The following PBX1 variants were observed in gnomAD, a reference collection of about 807,000 sequenced individuals.
The protein encoded by PBX1 is pre-B-cell leukemia transcription factor 1.
In PBX1, 6 loss-of-function variants were observed where a neutral mutation model predicts 53.4. The ratio of observed to expected loss-of-function variants is 0.11; its 90% CI spans 0.06 to 0.22. PBX1 has a LOEUF of 0.22. PBX1 is among the 10% of genes least tolerant of loss of function. The pLI, the probability that PBX1 is intolerant of heterozygous loss-of-function variation, is 1.00. For missense variants in PBX1, 251 were observed against 551.4 expected, an observed-to-expected ratio of 0.46 and a Z score of 5.46; for synonymous variants, 204 against 212.3, an observed-to-expected ratio of 0.96 and a Z score of 0.34.
intron 2 of PBX1, among the ~76,000 whole-genome samples, chr1:164,701,851 C>T (rs1663141287): frequency 6.6e-6 from 1 of 152,124 alleles, no homozygotes; most frequent in Non-Finnish European, 1.5e-5. Flanking sequence ...TTTATAATAG[C>T]ACCGATATTG....
At chr1:164,622,686 A>G (rs1013098562) in intron 2 of PBX1, among the ~76,000 whole-genome samples, 1 of 152,154 alleles carries the variant, frequency 6.6e-6, no homozygotes, top group African/African-American at 2.4e-5. Flanking sequence ...ATATTTAGAA[A>G]CACTTCTATG....
chr1:164,838,101 G>T (rs1410824791), intron 8 of PBX1, among the ~76,000 whole-genome samples: 2 of 152,208 alleles, frequency 1.3e-5, no homozygotes, highest in Non-Finnish European at 2.9e-5. Context: ...CTATGATGGT[G>T]CTACAGTTGA....
intron 2 of PBX1, among the ~76,000 whole-genome samples, chr1:164,707,418 T>TGTGTGAGAGAGAGAGAGAGA (rs58617739): frequency 2.9e-4 from 34 of 118,248 alleles, no homozygotes; most frequent in African/African-American, 1.2e-3. Context: ...TGTGTGTGTG[T>TGTGTGAGAGAGAGAGAGAGA]GAGAGAGAGA....
intron 2 of PBX1, among the ~76,000 whole-genome samples, chr1:164,723,345 C>G (rs1243968060): frequency 6.6e-6 from 1 of 152,182 alleles, no homozygotes; most frequent in Non-Finnish European, 1.5e-5. Context: ...TCCACTCTAC[C>G]TGCTAAGCTG....
intron 2 of PBX1, among the ~76,000 whole-genome samples, chr1:164,779,382 T>C (rs2102270617): frequency 6.6e-6 from 1 of 152,216 alleles, no homozygotes; most frequent in African/African-American, 2.4e-5. Flanking sequence ...AGAGACCAAC[T>C]GGGGTCCTTG....
At chr1:164,622,484 C>T (rs1204319300) in intron 2 of PBX1, among the ~76,000 whole-genome samples, 1 of 152,114 alleles carries the variant, frequency 6.6e-6, no homozygotes, top group African/African-American at 2.4e-5. Context: ...TTCCCTATGC[C>T]CTCAGCCTGT....
chr1:164,719,619 C>G (rs1224609076), intron 2 of PBX1, among the ~76,000 whole-genome samples: 1 of 152,134 alleles, frequency 6.6e-6, no homozygotes, highest in Non-Finnish European at 1.5e-5. Flanking sequence ...CCAGGTGATG[C>G]TATGCCATGT....
intron 2 of PBX1, among the ~76,000 whole-genome samples, chr1:164,631,456 C>G (rs1363335700): frequency 6.6e-6 from 1 of 152,124 alleles, no homozygotes; most frequent in Non-Finnish European, 1.5e-5. Context: ...AATAAAAACT[C>G]TCACTCTGCA....
chr1:164,602,263 C>T (rs1305598867), intron 2 of PBX1, among the ~76,000 whole-genome samples: 1 of 152,114 alleles, frequency 6.6e-6, no homozygotes, highest in Non-Finnish European at 1.5e-5. Flanking sequence ...ACTAGAAAGG[C>T]TTGCTGAAAT....
rs1667009077 is a variant in PBX1, at chr1:164,765,335, G to A, written c.266-27159G>A. On this transcript the variant is annotated intron_variant, in intron 2 of 8. Transcript: ENST00000420696. Reference sequence around the variant, plus strand: ...GCACATGTACATGTGCAGTGGAGTGGGCATCAATGTATTTTACTGATTGAA... The same window carrying A: ...GCACATGTACATGTGCAGTGGAGTGAGCATCAATGTATTTTACTGATTGAA... 2.0e-5 allele frequency among the ~76,000 whole-genome samples: 3 copies of A among 152,058 alleles called. No homozygotes were observed. The South Asian group carries it at 6.2e-4, about 32-fold the overall frequency.
chr1:164,563,453 C>G (rs756714673), intron 2 of PBX1, 142 bp downstream of exon 2: 17 of 482,228 alleles, frequency 3.5e-5, no homozygotes, highest in Non-Finnish European at 4.8e-5. Flanking sequence ...ATAGGAAGTC[C>G]TAGCCCTGCT....
chr1:164,821,596 C>A lies in PBX1; in HGVS notation c.1170C>A (p.Ala390=). The change falls in exon 8 of 9, where the codon GCC becomes GCA. Residue 390 remains alanine, a synonymous_variant. Coordinates refer to ENST00000420696, the MANE Select transcript of PBX1 (RefSeq NM_002585.4). Reference sequence around the variant, plus strand: ...GAGGATACAGTGATGGACTCGCAGCCAGTCAGATGTACAGTCCGCAGGGCA... The same window carrying A: ...GAGGATACAGTGATGGACTCGCAGCAAGTCAGATGTACAGTCCGCAGGGCA... The part of the protein sequence containing the change: ...QTGGYSDGLA[A]SQMYSPQGIS... 6.2e-7 allele frequency: 1 copy of A among 1,614,010 alleles called. No homozygotes were observed. Among genetic ancestry groups the A allele is most frequent in the Non-Finnish European group, 8.5e-7 (1 of 1,179,924 alleles).
At chr1:164,799,648 G>A (rs1248143034) in intron 3 of PBX1, 51 bp from the exon 4 acceptor site, 6 of 1,541,426 alleles carry the variant, frequency 3.9e-6, no homozygotes, top group Admixed American at 3.4e-5. Context: ...GACTTGATGC[G>A]TGTTGAGGCT....
At chr1:164,625,008 A>G (rs1010717635) in intron 2 of PBX1, among the ~76,000 whole-genome samples, 1 of 152,212 alleles carries the variant, frequency 6.6e-6, no homozygotes. Flanking sequence ...ATGTATTTCT[A>G]TAGGGTGGAA....
chr1:164,617,618 G>C (rs1657369221), intron 2 of PBX1, among the ~76,000 whole-genome samples: 1 of 152,144 alleles, frequency 6.6e-6, no homozygotes, highest in African/African-American at 2.4e-5. Context: ...CTCTCAGAGG[G>C]GTGTGTGTGG....
At position 164,559,836 on chromosome 1, in the gene PBX1, C is replaced by G. The variant is rs1652896961; in HGVS notation, c.14C>G (p.Pro5Arg). 1 of 1,548,802 alleles carries G rather than the reference C, an allele frequency of 6.5e-7. No homozygotes were observed. Among genetic ancestry groups the G allele is most frequent in the Non-Finnish European group, 8.7e-7 (1 of 1,146,362 alleles). Residue 5 changes from proline to arginine, a missense_variant, in exon 1 of 9, where the codon CCC becomes CGC. By Grantham distance (103) the Pro-to-Arg change is moderately radical. Transcript: ENST00000420696. ...TAGCCTTTGGAGATGGACGAGCAGC[C>G]CAGGCTGATGCATTCCCATGCTGGG... MDEQ[P>R]RLMHSHAGVG...
intron 2 of PBX1, chr1:164,682,327 T>C (rs780337897): frequency 1.3e-5 from 2 of 152,182 alleles, no homozygotes; most frequent in Non-Finnish European, 2.9e-5. Context: ...GAAAAAAGCC[T>C]GGTTTTGGTA....
chr1:164,846,491 A>G (rs1294467266), intron 8 of PBX1, 93 bp from the exon 9 acceptor site: 1 of 1,027,530 alleles, frequency 9.7e-7, no homozygotes, highest in East Asian at 2.4e-5. Context: ...GCACTATGCT[A>G]GGTCCTTTAC....
intron 2 of PBX1, among the ~76,000 whole-genome samples, chr1:164,607,685 A>G (rs1656651816): frequency 6.6e-6 from 1 of 152,178 alleles, no homozygotes. Flanking sequence ...CAGTGATCCA[A>G]GAGAGCCTAC....
Sources: allele counts gnomAD v4.1 joint callset (sites outside exome capture counted in the v4.1 genomes callset), GRCh38; gene constraint gnomAD v4.1.1; transcripts MANE v1.5; gene names NCBI Gene and HGNC (gene_info 2026-07-23, HGNC 2026-07-21).